The following MORC4 variants were observed in gnomAD, a reference collection of about 807,000 sequenced individuals.
The protein encoded by MORC4 is MORC family CW-type zinc finger 4.
MORC4 carries 22 observed loss-of-function variants against 65.5 expected under a neutral mutation model. That is an observed-to-expected ratio of 0.34 (90% CI 0.24 to 0.48). The LOEUF is 0.48. MORC4 is among the 20% of genes least tolerant of loss of function. MORC4 has a pLI of 0.99. For missense variants in MORC4, 624 were observed against 703.0 expected, an observed-to-expected ratio of 0.89 and a Z score of 1.27; for synonymous variants, 267 against 255.8, an observed-to-expected ratio of 1.04 and a Z score of -0.42.
chrX:106,956,373 G>A, intron 13 of MORC4, 107 bp downstream of exon 13: 1 of 706,057 alleles, frequency 1.4e-6, no homozygotes, highest in South Asian at 2.4e-5. Flanking sequence ...CAGAAGAAAT[G>A]GTTTGTTATT....
At chrX:106,951,723 C>T (rs1288594555) in intron 14 of MORC4, among the ~76,000 whole-genome samples, 5 of 110,874 alleles carry the variant, frequency 4.5e-5, no homozygotes, top group Non-Finnish European at 7.6e-5. Flanking sequence ...TTTAGCCAGG[C>T]GCAGTGGCTC....
intron 10 of MORC4, among the ~76,000 whole-genome samples, chrX:106,961,203 T>C (rs1040674380): frequency 3.6e-5 from 4 of 112,202 alleles, no homozygotes; most frequent in African/African-American, 1.3e-4. Flanking sequence ...GTGCTAAAAA[T>C]GTATGTCACC....
chrX:106,974,227 TGTCTATG>T (rs1189599916), intron 9 of MORC4, among the ~76,000 whole-genome samples: 1 of 111,976 alleles, frequency 8.9e-6, no homozygotes, highest in Non-Finnish European at 1.9e-5. Context: ...CTTTACTTAT[TGTCTATG>T]GCTGCTTTCA....
At chrX:106,971,224 G>T (rs137979296) in intron 9 of MORC4, among the ~76,000 whole-genome samples, 2 of 111,597 alleles carry the variant, frequency 1.8e-5, no homozygotes, top group Non-Finnish European at 3.8e-5. Flanking sequence ...GAAAAGATTC[G>T]ATATTTAATA....
Position 106,954,900 on chromosome X carries a change from G to C in MORC4, c.1685+13C>G. ...AAGCTTACTATTGACAAGAGATCATGCTTTTTAGTCACCTGGAAAACTGTA... is the reference window on the plus strand; with the variant it reads ...AAGCTTACTATTGACAAGAGATCATCCTTTTTAGTCACCTGGAAAACTGTA... On this transcript the variant is annotated intron_variant, in intron 14 of 16. Coordinates refer to ENST00000355610, the MANE Select transcript of MORC4 (RefSeq NM_024657.5). 8.3e-7 allele frequency: 1 copy of C among 1,200,166 alleles called. No individual in the cohort carries two copies. The highest frequency in any genetic ancestry group is 1.1e-6 in the Non-Finnish European group (1 of 888,007).
intron 14 of MORC4, 113 bp from the exon 15 acceptor site, chrX:106,943,318 C>T: frequency 1.7e-6 from 1 of 573,222 alleles, no homozygotes; most frequent in Non-Finnish European, 2.8e-6. Flanking sequence ...TAGATGTTAC[C>T]CACAGACAAG....
At position 106,978,173 on chromosome X, in the gene MORC4, C is replaced by A; in HGVS notation, c.963G>T (p.Gly321=). ...ACTGGTTACTATTCTTGCAAGAGAA[C>A]CCAAAGGTGATTCTCACCTGCTTAT... ...FTNKQVRITF[G]FSCKNSNQFG... Residue 321 remains glycine, a synonymous_variant, in exon 8 of 17, where the codon GGG becomes GGT. Transcript: ENST00000355610. The A allele has an allele frequency of 3.3e-6, 4 of 1,207,019 alleles. No individual in the cohort carries two copies. The highest frequency in any genetic ancestry group is 4.5e-6 in the Non-Finnish European group (4 of 892,763).
At position 106,986,200 on chromosome X, in the gene MORC4, G is replaced by A; in HGVS notation, c.309C>T (p.Ser103=). The A allele has an allele frequency of 8.5e-7, 1 of 1,172,736 alleles. No homozygotes were observed. Among genetic ancestry groups the A allele is most frequent in the Admixed American group, 2.3e-5 (1 of 42,555 alleles). Residue 103 remains serine, a splice_region_variant and synonymous_variant, in exon 4 of 17, where the codon AGC becomes AGT. Transcript: ENST00000355610. ...TTATTACTTTATCTGTAAAGCCAAA[G>A]CTGCAATTACACAAGAAAAAACAAA... is the stretch of plus-strand genomic sequence containing the variant. ...MTPHKLHRML[S]FGFTDKVIKK... is the part of the protein sequence containing the mutation.
At position 106,993,376 on chromosome X, in the gene MORC4, A is replaced by G; in HGVS notation, c.176-14T>C. The G allele has an allele frequency of 8.3e-7, 1 of 1,202,657 alleles. No homozygotes were observed. Among genetic ancestry groups the G allele is most frequent in the Non-Finnish European group, 1.1e-6 (1 of 889,585 alleles). The stretch of plus-strand genomic sequence containing the variant: ...CTACAGCATTATCTGCAAAAGGTAG[A>G]AATCTGCGATATTAGATCCCCTTTT... On this transcript the variant is annotated splice_polypyrimidine_tract_variant and intron_variant, in intron 2 of 16. Transcript: ENST00000355610.
At chrX:106,961,973 T>C in intron 10 of MORC4, 39 bp downstream of exon 10, 1 of 1,022,456 alleles carries the variant, frequency 9.8e-7, no homozygotes, top group Non-Finnish European at 1.4e-6. Context: ...TCTATGGATA[T>C]TACCCCTAAT....
In MORC4 at chrX:106,980,778, G is replaced by A; in HGVS notation, c.936+113C>T. On this transcript the variant is annotated intron_variant, in intron 7 of 16. Transcript: ENST00000355610. ...TACACTGTAATAGAATGTGTACTAT[G>A]ACATACACTTTTTAATTTGAAAGGG... 4 of 665,539 alleles carry A rather than the reference G, an allele frequency of 6.0e-6. No individual in the cohort carries two copies. The South Asian group carries it at 8.0e-5, about 13-fold the overall frequency. 54.8% of individuals were successfully genotyped at this position (665,539 alleles called of 1,213,427 possible). A position where few individuals can be genotyped will look rare whatever the true frequency, so the allele number is the denominator to read the frequency against.
chrX:106,999,666 T>C lies in MORC4; in HGVS notation c.175+11A>G. ...CGGGCGAACACGGCCGGGCCCGCCC[T>C]CGCCACTCACCTAGCAGCTCCGCGA... On this transcript the variant is annotated intron_variant, in intron 2 of 16. Coordinates refer to ENST00000355610, the MANE Select transcript of MORC4 (RefSeq NM_024657.5). 1 of 1,123,434 alleles carries C rather than the reference T, an allele frequency of 8.9e-7. No homozygotes were observed. Among genetic ancestry groups the C allele is most frequent in the South Asian group, 2.0e-5 (1 of 49,519 alleles). The allele number at this position is 1,123,434 out of a possible 1,213,427, so 92.6% of individuals were successfully genotyped here. A position where few individuals can be genotyped will look rare whatever the true frequency, so the allele number is the denominator to read the frequency against.
intron 5 of MORC4, among the ~76,000 whole-genome samples, chrX:106,984,267 G>T (rs185429514): frequency 1.6e-4 from 17 of 106,877 alleles, no homozygotes; most frequent in African/African-American, 5.8e-4. Flanking sequence ...GCCTGGGCAA[G>T]AGAGACTCTG....
At chrX:106,952,959 A>C (rs935253795) in intron 14 of MORC4, among the ~76,000 whole-genome samples, 1 of 112,392 alleles carries the variant, frequency 8.9e-6, no homozygotes, top group African/African-American at 3.2e-5. Context: ...GAAATGACAC[A>C]ATCATCATTT....
At chrX:106,962,565 T>C (rs751041291) in intron 9 of MORC4, among the ~76,000 whole-genome samples, 1 of 112,011 alleles carries the variant, frequency 8.9e-6, no homozygotes, top group Non-Finnish European at 1.9e-5. Flanking sequence ...CCCTATCTAT[T>C]ATAAATCAAT....
intron 11 of MORC4, among the ~76,000 whole-genome samples, chrX:106,957,272 C>T (rs1934132313): frequency 9.0e-6 from 1 of 111,509 alleles, no homozygotes; most frequent in Non-Finnish European, 1.9e-5. Flanking sequence ...CTATATTATA[C>T]TCAGTTTATA....
intron 9 of MORC4, among the ~76,000 whole-genome samples, chrX:106,969,658 C>A (rs144849192): frequency 0.031 from 3,446 of 111,629 alleles, 138 homozygotes; most frequent in African/African-American, 0.11. Flanking sequence ...ACCACCAATC[C>A]CACAGAAATA....
At chrX:106,961,572 C>T (rs1040643375) in intron 10 of MORC4, among the ~76,000 whole-genome samples, 1 of 111,652 alleles carries the variant, frequency 9.0e-6, no homozygotes, top group African/African-American at 3.3e-5. Flanking sequence ...GTAAAACGCA[C>T]CAATCAGTGC....
chrX:106,995,932 C>A, intron 2 of MORC4, among the ~76,000 whole-genome samples: 1 of 112,363 alleles, frequency 8.9e-6, no homozygotes. Context: ...GGCAGACAAC[C>A]AAAGGCACTG....
Sources: allele counts gnomAD v4.1 joint callset (sites outside exome capture counted in the v4.1 genomes callset), GRCh38; gene constraint gnomAD v4.1.1; transcripts MANE v1.5; gene names NCBI Gene and HGNC (gene_info 2026-07-23, HGNC 2026-07-21).